BOC: variants seen among roughly 807,000 people sequenced by gnomAD.
BOC encodes brother of CDO.
Under a neutral mutation model 112.0 loss-of-function variants are expected in BOC, and 76 were observed. The observed-to-expected ratio is 0.68, with a 90% CI of 0.56 to 0.82. The LOEUF (loss-of-function observed/expected upper bound fraction) is 0.82, where lower values mean the gene tolerates loss of function less well. Among genes scored for constraint, BOC ranks in the 40% least tolerant of loss-of-function variants. The pLI, the probability that BOC is intolerant of heterozygous loss-of-function variation, is 0.00. For synonymous variants in BOC, 580 were observed against 599.8 expected, an observed-to-expected ratio of 0.97 and a Z score of 0.48; for missense variants, 1,309 against 1,511.7, an observed-to-expected ratio of 0.87 and a Z score of 2.22.
At position 113,283,432 on chromosome 3, in the gene BOC, C is replaced by G. The variant is rs751817973; in HGVS notation, c.2456C>G (p.Pro819Arg). 2 of 1,607,640 alleles carry G rather than the reference C, an allele frequency of 1.2e-6. 1 individual carries two copies. The highest frequency in any genetic ancestry group is 2.2e-5 in the South Asian group (2 of 90,928). Residue 819 changes from proline to arginine, a missense_variant, in exon 16 of 20, where the codon CCT becomes CGT. Coordinates refer to ENST00000682979, the MANE Select transcript of BOC (RefSeq NM_001378074.1). ...ETKARKSSGQ[P>R]GRLPPPTLAP... ...ACAGCTCGGAAGTCTTCTGGCCAGC[C>G]TGGTCGACTGCCACCCCCAACTCTG...
At chr3:113,239,685 CTAGAGTGAAAGA>C (rs1429148439) in intron 2 of BOC, among the ~76,000 whole-genome samples, 2 of 152,300 alleles carry the variant, frequency 1.3e-5, no homozygotes, top group South Asian at 2.1e-4. Context: ...CCAGAAGCTT[CTAGAGTGAAAGA>C]TTACTGACCA....
At chr3:113,265,106 G>A (rs978806619) in intron 4 of BOC, among the ~76,000 whole-genome samples, 3 of 152,180 alleles carry the variant, frequency 2.0e-5, no homozygotes, top group Non-Finnish European at 2.9e-5. Context: ...GCCAAGAGGG[G>A]ATTAAAAGAG....
At chr3:113,227,570 C>G (rs1941871106) in intron 2 of BOC, among the ~76,000 whole-genome samples, 1 of 152,172 alleles carries the variant, frequency 6.6e-6, no homozygotes, top group Non-Finnish European at 1.5e-5. Context: ...GCAGAACCCT[C>G]TTTTCCACCA....
At chr3:113,233,148 G>GGGGTGTGTGTGTGTGT (rs75678874) in intron 2 of BOC, among the ~76,000 whole-genome samples, 13 of 123,960 alleles carry the variant, frequency 1.0e-4, no homozygotes, top group Non-Finnish European at 2.0e-4. Flanking sequence ...AAAGGATTGG[G>GGGGTGTGTGTGTGTGT]GTGTGTGTGT....
rs1443291400 is a variant in BOC at position 113,223,786 on chromosome 3, T to TAC, written c.-82+7517_-82+7518dup. Among the ~76,000 whole-genome samples the TAC allele has an allele frequency of 9.8e-5, 15 of 152,320 alleles. No individual in the cohort carries two copies. In the East Asian group the frequency reaches 2.5e-3, roughly 25 times the overall value. ...TGGCTTTCTCTCCTTCCCTGCCCCA[T>TAC]ACACACTTCCAGCTGGGGAGCAGAG... On this transcript the variant is annotated intron_variant, in intron 2 of 19. Coordinates refer to ENST00000682979, the MANE Select transcript of BOC (RefSeq NM_001378074.1).
chr3:113,261,293 A>G (rs964905737), intron 4 of BOC, among the ~76,000 whole-genome samples: 2 of 152,254 alleles, frequency 1.3e-5, no homozygotes, highest in African/African-American at 4.8e-5. Flanking sequence ...CAGGACTCAC[A>G]TTAATTTTCC....
intron 4 of BOC, 123 bp downstream of exon 4, chr3:113,250,956 A>G (rs1945557176): frequency 2.4e-6 from 3 of 1,272,566 alleles, no homozygotes; most frequent in Non-Finnish European, 3.3e-6. Flanking sequence ...TAACTGCAGA[A>G]ATGTCAAATC....
intron 13 of BOC, 78 bp downstream of exon 13, chr3:113,280,083 C>T (rs1412450229): frequency 7.1e-7 from 1 of 1,405,110 alleles, no homozygotes; most frequent in East Asian, 2.5e-5. Context: ...GGGGATTAGA[C>T]TCCCCCGAAC....
chr3:113,222,135 A>G (rs563430779), intron 2 of BOC, among the ~76,000 whole-genome samples: 2 of 152,196 alleles, frequency 1.3e-5, no homozygotes, highest in South Asian at 2.1e-4. Context: ...CCTCCATGTT[A>G]TCACCTCCTG....
chr3:113,268,296 C>T lies in BOC; in HGVS notation c.377-3C>T. ...CAACCAGCACCTTCCCTTCTCTTCA[C>T]AGATCTCCAGGACTTCAAGTTAGAT... is the stretch of plus-strand genomic sequence containing the variant. On this transcript the variant is annotated splice_region_variant and splice_polypyrimidine_tract_variant and intron_variant, in intron 4 of 19. Transcript: ENST00000682979. The T allele has an allele frequency of 1.2e-6, 2 of 1,614,098 alleles. No individual in the cohort carries two copies. Among genetic ancestry groups the T allele is most frequent in the Non-Finnish European group, 1.7e-6 (2 of 1,179,996 alleles).
In BOC at chr3:113,279,924, C is replaced by T. The variant is rs200411605; in HGVS notation, c.2124C>T (p.Arg708=). ...ACGTGGTGTCGGGCTACAGCGGTCG[C>T]GTGTACGAGAGGCCCGTGGCAGGTC... The part of the protein sequence containing the change: ...RPYVVSGYSG[R]VYERPVAGPY... Residue 708 remains arginine, a synonymous_variant, in exon 13 of 20, where the codon CGC becomes CGT. Transcript: ENST00000682979. The T allele has an allele frequency of 2.7e-5, 43 of 1,613,994 alleles. No homozygotes were observed. Among genetic ancestry groups the T allele is most frequent in the African/African-American group, 1.6e-4 (12 of 75,038 alleles).
At chr3:113,215,475 C>T (rs775601987) in intron 1 of BOC, among the ~76,000 whole-genome samples, 19 of 152,312 alleles carry the variant, frequency 1.2e-4, no homozygotes, top group Admixed American at 9.8e-4. Context: ...TCTACTGCCA[C>T]CCAGTTAGAC....
intron 4 of BOC, among the ~76,000 whole-genome samples, chr3:113,263,245 C>T (rs1340061283): frequency 6.6e-6 from 1 of 152,194 alleles, no homozygotes; most frequent in East Asian, 1.9e-4. Flanking sequence ...GAGCCCCATG[C>T]GGTGCCCCGT....
intron 4 of BOC, among the ~76,000 whole-genome samples, chr3:113,256,892 TA>T: frequency 6.6e-6 from 1 of 152,278 alleles, no homozygotes; most frequent in Admixed American, 6.5e-5. Flanking sequence ...ATTGCAGTCT[TA>T]GGGTAAAAGC....
intron 17 of BOC, 41 bp downstream of exon 17, chr3:113,284,608 C>G (rs1283421021): frequency 6.3e-7 from 1 of 1,584,812 alleles, no homozygotes; most frequent in East Asian, 2.3e-5. Flanking sequence ...ATGGGACACC[C>G]AGGAGGGAGT....
Position 113,286,739 on chromosome 3 carries a change from G to A in BOC, c.3225G>A (p.Val1075=). ...EEVDSPDSCQ[V]SGGDWCPQHP... is the part of the protein sequence containing the mutation. ...TGGACAGTCCTGACTCCTGCCAAGT[G>A]AGTGGAGGAGACTGGTGTCCCCAGC... The change falls in exon 20 of 20, where the codon GTG becomes GTA. Residue 1075 remains valine (V), a synonymous_variant. Transcript: ENST00000682979. The A allele has an allele frequency of 6.2e-7, 1 of 1,613,716 alleles. No individual in the cohort carries two copies. The highest frequency in any genetic ancestry group is 8.5e-7 in the Non-Finnish European group (1 of 1,179,770).
intron 1 of BOC, among the ~76,000 whole-genome samples, chr3:113,214,765 G>A (rs1939009891): frequency 6.6e-6 from 1 of 152,136 alleles, no homozygotes; most frequent in Admixed American, 6.5e-5. Flanking sequence ...TCTAACATAT[G>A]TAACTTCTTG....
At chr3:113,231,387 A>G (rs1942591740) in intron 2 of BOC, among the ~76,000 whole-genome samples, 1 of 152,234 alleles carries the variant, frequency 6.6e-6, no homozygotes, top group African/African-American at 2.4e-5. Flanking sequence ...TTCATAAGTA[A>G]CTTTTTTAAA....
chr3:113,272,910 G>T (rs998828606), intron 7 of BOC, among the ~76,000 whole-genome samples, 159 bp from the exon 8 acceptor site: 1 of 151,930 alleles, frequency 6.6e-6, no homozygotes, highest in African/African-American at 2.4e-5. Context: ...TGATTCTGAT[G>T]GTGGAGACAT....
Sources: allele counts gnomAD v4.1 joint callset (sites outside exome capture counted in the v4.1 genomes callset), GRCh38; gene constraint gnomAD v4.1.1; transcripts MANE v1.5; gene names NCBI Gene and HGNC (gene_info 2026-07-23, HGNC 2026-07-21).